Variants in HSPBAP1 observed in about 807,000 individuals in gnomAD.
HSPBAP1 encodes the protein HSPB1 associated protein 1, also known as HSPB1-associated protein 1.
Under a neutral mutation model 45.2 loss-of-function variants are expected in HSPBAP1, and 27 were observed. The observed-to-expected ratio is 0.60, with a 90% CI of 0.44 to 0.82. The LOEUF is 0.82. Among genes scored for constraint, HSPBAP1 ranks in the 40% least tolerant of loss-of-function variants. The pLI is 0.00. For missense variants in HSPBAP1, 510 were observed against 590.9 expected (o/e 0.86, Z 1.42); for synonymous variants, 204 against 202.7 (o/e 1.01, Z -0.06).
chr3:122,775,633 A>T (rs895747583), intron 2 of HSPBAP1, among the ~76,000 whole-genome samples: 6 of 152,228 alleles, frequency 3.9e-5, no homozygotes, highest in African/African-American at 1.2e-4. Context: ...TATAATTTTT[A>T]AAATGGAGTG....
chr3:122,740,932 A>G (rs1933646485), intron 7 of HSPBAP1, 57 bp from the exon 8 acceptor site: 3 of 1,608,692 alleles, frequency 1.9e-6, no homozygotes, highest in Non-Finnish European at 2.6e-6. Flanking sequence ...ACACTGGAAA[A>G]CATATGTTCT....
intron 3 of HSPBAP1, among the ~76,000 whole-genome samples, chr3:122,763,938 T>A (rs886665099): frequency 6.6e-6 from 1 of 152,244 alleles, no homozygotes; most frequent in Non-Finnish European, 1.5e-5. Flanking sequence ...CTCTCTTCCC[T>A]CCTGGCCTCT....
chr3:122,793,764 C>T lies in HSPBAP1; in HGVS notation c.-84G>A, dbSNP rs1440080662. ...AGAGTAGGGGCCAAACTCCGAGACC[C>T]GAAGCTGCACCACAGGAAGGAGCCC... On this transcript the variant is annotated 5_prime_UTR_variant, in exon 1 of 8. Coordinates refer to ENST00000306103, the MANE Select transcript of HSPBAP1 (RefSeq NM_024610.6). The T allele has an allele frequency of 3.9e-6, 5 of 1,284,828 alleles. No homozygotes were observed. The African/African-American group carries it at 7.3e-5, about 19-fold the overall frequency. The allele number at this position is 1,284,828 out of a possible 1,614,324, so 79.6% of individuals were successfully genotyped here. A position where few individuals can be genotyped will look rare whatever the true frequency, so the allele number is the denominator to read the frequency against.
rs543246333 is a variant in HSPBAP1, at chr3:122,747,453, C to T, written c.825+5138G>A. On this transcript the variant is annotated intron_variant, in intron 6 of 7. Transcript: ENST00000306103. ...CCGTCTGGGAAGTGAGGAGCGTCTCCGCCCGGCCAGCCGCCCTGTCTGGGA... is the reference window on the plus strand; with the variant it reads ...CCGTCTGGGAAGTGAGGAGCGTCTCTGCCCGGCCAGCCGCCCTGTCTGGGA... Among the ~76,000 whole-genome samples, 187 of 150,024 alleles carry T rather than the reference C, an allele frequency of 1.2e-3. 1 individual carries two copies. Among genetic ancestry groups the T allele is most frequent in the South Asian group, 8.9e-3 (42 of 4,718 alleles).
intron 2 of HSPBAP1, among the ~76,000 whole-genome samples, chr3:122,774,112 C>G (rs537189139): frequency 2.6e-5 from 4 of 152,320 alleles, no homozygotes; most frequent in South Asian, 2.1e-4. Flanking sequence ...AGGTGCTCAG[C>G]CCATGATGAG....
intron 5 of HSPBAP1, chr3:122,754,907 C>A: frequency 6.0e-6 from 6 of 1,006,134 alleles, no homozygotes; most frequent in Non-Finnish European, 7.1e-6. Context: ...TGAACAGATA[C>A]TAACTGTGAT....
At chr3:122,753,483 G>T in intron 5 of HSPBAP1, 2 of 981,160 alleles carry the variant, frequency 2.0e-6, no homozygotes, top group Non-Finnish European at 2.4e-6. Flanking sequence ...GTCTGAGAAG[G>T]ACAGGAGATA....
intron 6 of HSPBAP1, among the ~76,000 whole-genome samples, chr3:122,744,817 G>A (rs149745550): frequency 7.9e-5 from 12 of 152,174 alleles, no homozygotes; most frequent in African/African-American, 2.9e-4. Context: ...AATAAAATAT[G>A]AACAAACAGT....
At chr3:122,752,724 TTA>T in intron 5 of HSPBAP1, 50 bp from the exon 6 acceptor site, 1 of 1,513,964 alleles carries the variant, frequency 6.6e-7, no homozygotes, top group Non-Finnish European at 9.0e-7. Context: ...CGTTTCATTT[TTA>T]TGTCAGAATC....
At chr3:122,746,633 T>TCCTCTCC (rs142979651) in intron 6 of HSPBAP1, among the ~76,000 whole-genome samples, 14,616 of 150,648 alleles carry the variant, frequency 0.097, 895 homozygotes, top group South Asian at 0.17. Context: ...CCTCTCTCTC[T>TCCTCTCC]CCTCTCCCCT....
chr3:122,749,701 T>G (rs35634278), intron 6 of HSPBAP1, among the ~76,000 whole-genome samples: 13,449 of 152,142 alleles, frequency 0.088, 692 homozygotes, highest in East Asian at 0.13. Flanking sequence ...CTCCACCTCC[T>G]GGGTTCAAGT....
intron 5 of HSPBAP1, 27 bp downstream of exon 5, chr3:122,755,233 G>A (rs1934304613): frequency 6.7e-7 from 1 of 1,495,292 alleles, no homozygotes; most frequent in East Asian, 2.5e-5. Context: ...CCCCTGGCAG[G>A]TCATTAATGT....
rs577714339 is a variant in HSPBAP1, at chr3:122,740,997, G to A, written c.936+6C>T. 2.4e-5 allele frequency: 38 copies of A among 1,611,874 alleles called. No individual in the cohort carries two copies. Among genetic ancestry groups the A allele is most frequent in the Middle Eastern group, 3.3e-4 (2 of 6,062 alleles). ...ACTGCCATGATGAAGACCAGAAGCC[G>A]CCTACCTCAGTGGGGTTTAACCAGG... On this transcript the variant is annotated splice_donor_region_variant and intron_variant, in intron 7 of 7. Coordinates refer to ENST00000306103, the MANE Select transcript of HSPBAP1 (RefSeq NM_024610.6).
Position 122,793,741 on chromosome 3 carries a change from A to T in HSPBAP1, c.-61T>A, listed in dbSNP as rs1166777290. The T allele has an allele frequency of 4.0e-6, 6 of 1,513,622 alleles. No individual in the cohort carries two copies. The highest frequency in any genetic ancestry group is 5.5e-6 in the Non-Finnish European group (6 of 1,093,056). 93.8% of individuals were successfully genotyped at this position (1,513,622 alleles called of 1,614,324 possible). On this transcript the variant is annotated 5_prime_UTR_variant, in exon 1 of 8. Transcript: ENST00000306103. ...CGGAGCGGAGCTGGGGTGGGGTCAGAGTAGGGGCCAAACTCCGAGACCCGA... is the reference window on the plus strand; with the variant it reads ...CGGAGCGGAGCTGGGGTGGGGTCAGTGTAGGGGCCAAACTCCGAGACCCGA...
chr3:122,767,511 T>C (rs1934829770), intron 3 of HSPBAP1, among the ~76,000 whole-genome samples: 1 of 152,070 alleles, frequency 6.6e-6, no homozygotes, highest in African/African-American at 2.4e-5. Context: ...GGAGTCGTAA[T>C]TGCGCCACTG....
At chr3:122,780,429 G>C (rs1303096941) in intron 1 of HSPBAP1, among the ~76,000 whole-genome samples, 8 of 123,810 alleles carry the variant, frequency 6.5e-5, no homozygotes, top group South Asian at 2.5e-4. Context: ...CGGGCAGAGG[G>C]GCTCCTCACT....
chr3:122,741,066 A>C lies in HSPBAP1; in HGVS notation c.873T>G (p.Leu291=). 3.7e-6 allele frequency: 6 copies of C among 1,614,168 alleles called. No homozygotes were observed. The highest frequency in any genetic ancestry group is 5.1e-6 in the Non-Finnish European group (6 of 1,180,024). ...TCTCTGCAGTTTTCAGGGCACACAC[A>C]AGCATACGGGTGATTGCCTCTTCTA... ...ARVEEAITRM[L]VCALKTAENP... Residue 291 remains leucine (L), a synonymous_variant, in exon 7 of 8, where the codon CTT becomes CTG. Transcript: ENST00000306103.
chr3:122,788,550 A>G lies in HSPBAP1; in HGVS notation c.64+5067T>C. 1.3e-5 allele frequency among the ~76,000 whole-genome samples: 2 copies of G among 152,252 alleles called. 1 individual carries two copies. The highest frequency in any genetic ancestry group is 2.9e-5 in the Non-Finnish European group (2 of 68,050). ...AATAGCTAAGTGGTGGAAGCAACTCAAAGGTCTGTTGACGAATGGATAAGC... is the reference window on the plus strand; with the variant it reads ...AATAGCTAAGTGGTGGAAGCAACTCGAAGGTCTGTTGACGAATGGATAAGC... On this transcript the variant is annotated intron_variant, in intron 1 of 7. Transcript: ENST00000306103.
chr3:122,768,740 ATATT>A lies in HSPBAP1; in HGVS notation c.389_392del (p.Lys130IlefsTer16). 6.2e-7 allele frequency: 1 copy of A among 1,612,940 alleles called. No individual in the cohort carries two copies. The highest frequency in any genetic ancestry group is 8.5e-7 in the Non-Finnish European group (1 of 1,178,924). ...TCTTGTCTTCAAATAGACTGACAAA[ATATT>A]TATAGTCAGCATAAGCCCAGAACTT... is the stretch of plus-strand genomic sequence containing the variant. On this transcript the variant is annotated frameshift_variant, in exon 3 of 8. Coordinates refer to ENST00000306103, the MANE Select transcript of HSPBAP1 (RefSeq NM_024610.6). LOFTEE classifies it high-confidence loss of function.
Sources: gnomAD v4.1 joint callset for allele counts (sites outside exome capture counted in the v4.1 genomes callset) on GRCh38, gnomAD v4.1.1 for gene constraint, MANE v1.5 for transcripts, NCBI Gene and HGNC (gene_info 2026-07-23, HGNC 2026-07-21) for gene names.